Variants in ARHGEF28 observed in about 807,000 individuals in gnomAD.
ARHGEF28 encodes 190 kDa guanine nucleotide exchange factor.
A neutral mutation model predicts 206.6 loss-of-function variants in ARHGEF28; 152 were observed. That is an observed-to-expected ratio of 0.74 (90% CI 0.64 to 0.84). ARHGEF28 has a LOEUF of 0.84. Ranked by LOEUF, ARHGEF28 falls within the 40% of genes least tolerant of loss-of-function variation. The probability of loss-of-function intolerance (pLI) is 0.00; values close to 1 mark genes in which losing one functional copy is unlikely to be tolerated. For missense variants in ARHGEF28, 2,028 were observed against 2,073.2 expected (o/e 0.98, Z 0.42); for synonymous variants, 763 against 776.4 (o/e 0.98, Z 0.29).
intron 1 of ARHGEF28, among the ~76,000 whole-genome samples, chr5:73,668,356 A>G (rs1032579788): frequency 2.0e-5 from 3 of 152,206 alleles, no homozygotes; most frequent in African/African-American, 7.2e-5. Flanking sequence ...GAAGTCCAAG[A>G]TTGGGAGACC....
chr5:73,725,353 C>T (rs540185114), intron 2 of ARHGEF28, among the ~76,000 whole-genome samples: 1 of 152,206 alleles, frequency 6.6e-6, no homozygotes, highest in African/African-American at 2.4e-5. Context: ...CATTTAGGAA[C>T]AGTTAAAACT....
At chr5:73,763,886 G>A (rs543864254) in intron 4 of ARHGEF28, among the ~76,000 whole-genome samples, 1 of 152,324 alleles carries the variant, frequency 6.6e-6, no homozygotes, top group South Asian at 2.1e-4. Flanking sequence ...ACAGTGCACG[G>A]TAAGCAGGCA....
intron 7 of ARHGEF28, among the ~76,000 whole-genome samples, chr5:73,782,048 T>C (rs987235598): frequency 2.0e-5 from 3 of 152,062 alleles, no homozygotes; most frequent in Non-Finnish European, 4.4e-5. Flanking sequence ...CTTTTGATTC[T>C]GCTTTTAACT....
intron 9 of ARHGEF28, among the ~76,000 whole-genome samples, chr5:73,819,242 A>G (rs1425423851): frequency 1.3e-5 from 2 of 152,112 alleles, no homozygotes; most frequent in African/African-American, 2.4e-5. Flanking sequence ...GCTGGCCTGG[A>G]TGGTTAGTTT....
intron 1 of ARHGEF28, among the ~76,000 whole-genome samples, chr5:73,683,255 G>C (rs1747220886): frequency 6.6e-6 from 1 of 152,148 alleles, no homozygotes; most frequent in African/African-American, 2.4e-5. Flanking sequence ...GTAGTGTTAA[G>C]TATATTCACA....
At chr5:73,908,651 T>A (rs990182929) in intron 33 of ARHGEF28, 3 of 152,236 alleles carry the variant, frequency 2.0e-5, no homozygotes, top group African/African-American at 7.2e-5. Flanking sequence ...AATGTTTTTT[T>A]AATCTGGTTG....
At chr5:73,938,794 G>A (rs1246327485) in intron 35 of ARHGEF28, among the ~76,000 whole-genome samples, 2 of 152,182 alleles carry the variant, frequency 1.3e-5, no homozygotes, top group African/African-American at 4.8e-5. Context: ...AGGATTCAGA[G>A]CATTCCAGGT....
intron 22 of ARHGEF28, among the ~76,000 whole-genome samples, chr5:73,881,902 GGT>G (rs1291161278): frequency 2.0e-5 from 3 of 152,156 alleles, no homozygotes; most frequent in African/African-American, 4.8e-5. Flanking sequence ...GTTATTCACT[GGT>G]GTCTTTCATC....
At chr5:73,898,574 C>T (rs932290466) in intron 30 of ARHGEF28, 8 of 153,602 alleles carry the variant, frequency 5.2e-5, no homozygotes, top group African/African-American at 1.9e-4. Context: ...CTCTCCCTCT[C>T]TCTTTCTCTC....
intron 1 of ARHGEF28, among the ~76,000 whole-genome samples, chr5:73,631,750 A>C (rs1352927554): frequency 6.7e-6 from 1 of 150,212 alleles, no homozygotes; most frequent in Non-Finnish European, 1.5e-5. Context: ...AGCCAGGACT[A>C]GTACTGCCTA....
At chr5:73,844,822 A>G (rs73120508) in intron 11 of ARHGEF28, among the ~76,000 whole-genome samples, 16,005 of 149,616 alleles carry the variant, frequency 0.11, 964 homozygotes, top group Non-Finnish European at 0.13. Flanking sequence ...GTGCATTAAC[A>G]TGCACCCAGG....
At chr5:73,896,787 C>T (rs1190459025) in intron 29 of ARHGEF28, among the ~76,000 whole-genome samples, 1 of 152,338 alleles carries the variant, frequency 6.6e-6, no homozygotes, top group East Asian at 1.9e-4. Flanking sequence ...ACTTTCTCCC[C>T]CACCAAAACT....
chr5:73,715,452 A>T (rs914234191), intron 2 of ARHGEF28, among the ~76,000 whole-genome samples: 2 of 152,216 alleles, frequency 1.3e-5, no homozygotes. Context: ...CTTCCGTATT[A>T]TAAGGTAGGG....
At chr5:73,815,889 G>A (rs1015901149) in intron 9 of ARHGEF28, among the ~76,000 whole-genome samples, 1 of 152,214 alleles carries the variant, frequency 6.6e-6, no homozygotes, top group African/African-American at 2.4e-5. Context: ...AAATAAGGTT[G>A]GTAGCAGAGA....
intron 9 of ARHGEF28, among the ~76,000 whole-genome samples, chr5:73,824,605 A>T (rs1756786092): frequency 6.6e-6 from 1 of 151,844 alleles, no homozygotes; most frequent in African/African-American, 2.4e-5. Context: ...AGTAGCTGGG[A>T]TTACAGCATG....
At chr5:73,851,951 G>A (rs1196888944) in intron 13 of ARHGEF28, among the ~76,000 whole-genome samples, 1 of 152,176 alleles carries the variant, frequency 6.6e-6, no homozygotes, top group East Asian at 1.9e-4. Flanking sequence ...ATTTGTCCCT[G>A]CCCTGTAGAT....
intron 2 of ARHGEF28, 92 bp downstream of exon 2, chr5:73,684,976 A>G (rs954922849): frequency 2.2e-6 from 3 of 1,383,774 alleles, no homozygotes; most frequent in Non-Finnish European, 1.0e-6. Context: ...TTTTCTTGCT[A>G]TTGAGTTAAG....
chr5:73,804,208 C>A (rs1331743549), intron 9 of ARHGEF28, among the ~76,000 whole-genome samples: 1 of 152,030 alleles, frequency 6.6e-6, no homozygotes, highest in East Asian at 1.9e-4. Flanking sequence ...GAAATTTCAG[C>A]CCATCTAACA....
Position 73,940,918 on chromosome 5 carries a change from A to G in ARHGEF28, c.5023A>G (p.Ile1675Val), listed in dbSNP as rs772597463. ...ACACCGCCCTCAACTGCAGGCGTTTATAACAGAAGCAAAGCTAAATCTACC... is the reference window on the plus strand; with the variant it reads ...ACACCGCCCTCAACTGCAGGCGTTTGTAACAGAAGCAAAGCTAAATCTACC... ...NSHRPQLQAF[I>V]TEAKLNLPTR... Residue 1675 changes from isoleucine (I) to valine (V), a missense_variant, in exon 36 of 36, where the codon ATA becomes GTA. Around this residue, in one of 3 missense-constraint regions of ARHGEF28, gnomAD observed 803 missense variants for 768.0 expected, o/e 1.05. Coordinates refer to ENST00000513042, the MANE Select transcript of ARHGEF28 (RefSeq NM_001177693.2). 46 of 1,534,922 alleles carry G rather than the reference A, an allele frequency of 3.0e-5. No homozygotes were observed. In the South Asian group the frequency reaches 3.8e-4, roughly 13 times the overall value.
Sources: gnomAD v4.1 joint callset for allele counts (sites outside exome capture counted in the v4.1 genomes callset) on GRCh38, gnomAD v4.1.1 for gene constraint, gnomAD v4.1.1 regional missense constraint, MANE v1.5 for transcripts, NCBI Gene and HGNC (gene_info 2026-07-23, HGNC 2026-07-21) for gene names.